Variants in RBFOX1 observed in about 807,000 individuals in gnomAD.
The protein encoded by RBFOX1 is RNA binding protein fox-1 homolog 1.
In RBFOX1, 8 loss-of-function variants were observed where a neutral mutation model predicts 57.7. The observed-to-expected ratio is 0.14, with a 90% CI of 0.08 to 0.25. RBFOX1 has a LOEUF of 0.25. Ranked by LOEUF, RBFOX1 falls within the 10% of genes least tolerant of loss-of-function variation. RBFOX1 has a pLI of 1.00. For missense variants in RBFOX1, 611 were observed against 548.5 expected (o/e 1.11, Z -1.14); for synonymous variants, 326 against 222.4 (o/e 1.47, Z -4.15).
At chr16:7,032,778 C>A (rs1000725033) in intron 3 of RBFOX1, among the ~76,000 whole-genome samples, 1 of 152,234 alleles carries the variant, frequency 6.6e-6, no homozygotes, top group South Asian at 2.1e-4. Context: ...CTCTATGAGA[C>A]ACCCCCGCCT....
At chr16:6,658,257 T>TA (rs199682706) in intron 3 of RBFOX1, among the ~76,000 whole-genome samples, 1,909 of 151,512 alleles carry the variant, frequency 0.013, 41 homozygotes, top group African/African-American at 0.043. Flanking sequence ...TTTTTTTTTT[T>TA]AACAGTCTCC....
chr16:5,544,951 CTTTTTTTTTTTTTTTTTTTTTTTT>C (rs59873374), intron 2 of RBFOX1, among the ~76,000 whole-genome samples: 37 of 124,414 alleles, frequency 3.0e-4, no homozygotes, highest in Middle Eastern at 4.5e-3. Flanking sequence ...CTATTACATT[CTTTTTTTTTTTTTTTTTTTTTTTT>C]TTTTTTTTTT....
At chr16:7,363,168 G>C (rs1405301754) in intron 4 of RBFOX1, among the ~76,000 whole-genome samples, 2 of 152,130 alleles carry the variant, frequency 1.3e-5, no homozygotes, top group Non-Finnish European at 1.5e-5. Flanking sequence ...GAGGCTTTGG[G>C]AGAGACAGAA....
chr16:6,514,739 A>G lies in RBFOX1; in HGVS notation c.-63-139864A>G, dbSNP rs189494541. Among the ~76,000 whole-genome samples, 137 of 152,174 alleles carry G rather than the reference A, an allele frequency of 9.0e-4. 1 individual carries two copies. The highest frequency in any genetic ancestry group is 1.8e-3 in the Admixed American group (28 of 15,270). On this transcript the variant is annotated intron_variant, in intron 2 of 15. Transcript: ENST00000550418. ...TCATGAAGTTTCTAGTAATAATGGT[A>G]ATTATTCTTATTGTAATAAGGAGGA...
intron 3 of RBFOX1, among the ~76,000 whole-genome samples, chr16:6,927,414 C>CAAAAAAAAAAAAAAAAAAA (rs1194663760): frequency 1.9e-5 from 1 of 53,144 alleles, no homozygotes; most frequent in African/African-American, 1.1e-4. Flanking sequence ...CGCTTTCTCA[C>CAAAAAAAAAAAAAAAAAAA]AAAAAAAAAA....
chr16:6,826,789 A>C (rs1339414770), intron 3 of RBFOX1, among the ~76,000 whole-genome samples: 3 of 152,186 alleles, frequency 2.0e-5, no homozygotes, highest in Admixed American at 1.3e-4. Flanking sequence ...GAATGACTTT[A>C]TGTGAAATCT....
At chr16:6,986,913 A>T (rs1323644632) in intron 3 of RBFOX1, among the ~76,000 whole-genome samples, 1 of 152,112 alleles carries the variant, frequency 6.6e-6, no homozygotes, top group Admixed American at 6.6e-5. Context: ...AAGGTTATCT[A>T]ATCCACCCCT....
At chr16:5,733,359 A>T (rs1304840062) in intron 3 of RBFOX1, among the ~76,000 whole-genome samples, 1 of 152,118 alleles carries the variant, frequency 6.6e-6, no homozygotes, top group Non-Finnish European at 1.5e-5. Flanking sequence ...GGGTCCAGGA[A>T]GGCCACTGGG....
At position 7,103,200 on chromosome 16, in the gene RBFOX1, G is replaced by A. The variant is rs189698491; in HGVS notation, c.27+51102G>A. Among the ~76,000 whole-genome samples, 59 of 152,222 alleles carry A rather than the reference G, an allele frequency of 3.9e-4. 1 individual carries two copies. In the East Asian group the frequency reaches 0.011, roughly 28 times the overall value. Reference sequence around the variant, plus strand: ...TTCTTTCCAAGTTGTGATTTTTAAAGAGGGGATAAAAAACCAATGACCTCA... The same window carrying A: ...TTCTTTCCAAGTTGTGATTTTTAAAAAGGGGATAAAAAACCAATGACCTCA... On this transcript the variant is annotated intron_variant, in intron 4 of 15. Coordinates refer to ENST00000550418, the MANE Select transcript of RBFOX1 (RefSeq NM_018723.4).
chr16:6,219,129 T>G (rs527699618), intron 1 of RBFOX1, among the ~76,000 whole-genome samples: 1 of 152,164 alleles, frequency 6.6e-6, no homozygotes, highest in Admixed American at 6.5e-5. Flanking sequence ...CAATCTGTGG[T>G]TGGTGATTTT....
chr16:6,889,406 C>T (rs1375712070), intron 3 of RBFOX1, among the ~76,000 whole-genome samples: 1 of 152,288 alleles, frequency 6.6e-6, no homozygotes, highest in East Asian at 1.9e-4. Context: ...CATATGACGG[C>T]TCTGTCAACT....
intron 1 of RBFOX1, among the ~76,000 whole-genome samples, chr16:6,070,128 G>A (rs1021697253): frequency 2.6e-4 from 39 of 152,124 alleles, no homozygotes; most frequent in African/African-American, 9.4e-4. Context: ...TTTAAAGTGT[G>A]ATTTGACTAG....
intron 3 of RBFOX1, among the ~76,000 whole-genome samples, chr16:5,795,642 C>T (rs1260271486): frequency 2.0e-5 from 3 of 152,136 alleles, no homozygotes; most frequent in East Asian, 3.9e-4. Context: ...CCTCCTTACC[C>T]CTGACCACTC....
chr16:6,784,704 T>G (rs2154240619), intron 3 of RBFOX1, among the ~76,000 whole-genome samples: 1 of 152,222 alleles, frequency 6.6e-6, no homozygotes, highest in African/African-American at 2.4e-5. Context: ...ATTTTTTTTT[T>G]TTATAAAGGT....
At chr16:5,539,723 C>T (rs1426909125) in intron 2 of RBFOX1, among the ~76,000 whole-genome samples, 1 of 152,130 alleles carries the variant, frequency 6.6e-6, no homozygotes, top group Non-Finnish European at 1.5e-5. Context: ...CATCTCCCTC[C>T]CCCACACCAT....
chr16:7,204,847 A>G (rs971502532), intron 4 of RBFOX1, among the ~76,000 whole-genome samples: 4 of 152,190 alleles, frequency 2.6e-5, no homozygotes, highest in African/African-American at 9.6e-5. Flanking sequence ...AGTTTCTGGC[A>G]TTCGCCATTC....
intron 1 of RBFOX1, among the ~76,000 whole-genome samples, chr16:5,332,042 C>T (rs987656299): frequency 6.6e-6 from 1 of 152,218 alleles, no homozygotes; most frequent in African/African-American, 2.4e-5. Context: ...CACGTCAGGG[C>T]CAGCTTTAAT....
intron 3 of RBFOX1, among the ~76,000 whole-genome samples, chr16:5,842,692 C>A (rs1211519883): frequency 1.3e-5 from 2 of 152,268 alleles, no homozygotes; most frequent in Non-Finnish European, 2.9e-5. Flanking sequence ...AGGAAATGTA[C>A]CTCTAAGCAA....
At position 6,676,788 on chromosome 16, in the gene RBFOX1, G is replaced by A. The variant is rs986317613; in HGVS notation, c.-16+22138G>A. Among the ~76,000 whole-genome samples, 6 of 147,254 alleles carry A rather than the reference G, an allele frequency of 4.1e-5. No individual in the cohort carries two copies. In the East Asian group the frequency reaches 1.2e-3, roughly 30 times the overall value. On this transcript the variant is annotated intron_variant, in intron 3 of 15. Coordinates refer to ENST00000550418, the MANE Select transcript of RBFOX1 (RefSeq NM_018723.4). ...CCTCCCAGGTTGAAGCATTTCTCCTGCCTCAGCCTCCCTAGTAGCTGGGAT... is the reference window on the plus strand; with the variant it reads ...CCTCCCAGGTTGAAGCATTTCTCCTACCTCAGCCTCCCTAGTAGCTGGGAT...
Sources: allele counts gnomAD v4.1 joint callset (sites outside exome capture counted in the v4.1 genomes callset), GRCh38; gene constraint gnomAD v4.1.1; transcripts MANE v1.5; gene names NCBI Gene and HGNC (gene_info 2026-07-23, HGNC 2026-07-21).